PPM1G: variants seen among roughly 807,000 people sequenced by gnomAD.
The protein encoded by PPM1G is protein phosphatase, Mg2+/Mn2+ dependent 1G, also known as protein phosphatase 1G.
In PPM1G, 12 loss-of-function variants were observed where a neutral mutation model predicts 59.4. The observed-to-expected ratio is 0.20, with a 90% confidence interval of 0.13 to 0.33. The LOEUF (loss-of-function observed/expected upper bound fraction) is 0.33, where lower values mean the gene tolerates loss of function less well. PPM1G is among the 10% of genes least tolerant of loss of function. PPM1G has a pLI of 1.00. For missense variants in PPM1G, 392 were observed against 681.3 expected (o/e 0.58, Z 4.73); for synonymous variants, 245 against 251.9 (o/e 0.97, Z 0.26).
At chr2:27,393,501 G>T (rs1558319286) in intron 1 of PPM1G, 2 of 714,034 alleles carry the variant, frequency 2.8e-6, no homozygotes, top group Non-Finnish European at 5.0e-6. Flanking sequence ...GCCGGCCGGG[G>T]TGCAGGACGA....
chr2:27,392,286 G>GTTTTTTTTTTTTTTTTT lies in PPM1G; in HGVS notation c.121-5145_121-5129dup, dbSNP rs70953857. 2.3e-4 allele frequency among the ~76,000 whole-genome samples: 16 copies of GTTTTTTTTTTTTTTTTT among 70,404 alleles called. 2 individuals carry two copies. The highest frequency in any genetic ancestry group is 9.2e-4 in the African/African-American group (15 of 16,248). 46.2% of individuals were successfully genotyped at this position (70,404 alleles called of 152,430 possible). On this transcript the variant is annotated intron_variant, in intron 1 of 9. Transcript: ENST00000344034. ...TTACTTTGTTTTGTTGGTTTGTTTTGTTTTTTTTTTTTTTTTTTTTTTTTG... is the reference window on the plus strand; with the variant it reads ...TTACTTTGTTTTGTTGGTTTGTTTTGTTTTTTTTTTTTTTTTTTTTTTTTTTTTTTTTTTTTTTTTTG...
chr2:27,394,886 C>T (rs1684008180), intron 1 of PPM1G, among the ~76,000 whole-genome samples: 2 of 152,086 alleles, frequency 1.3e-5, no homozygotes, highest in South Asian at 4.2e-4. Flanking sequence ...CCACAACCAC[C>T]CACCTCACTA....
intron 1 of PPM1G, among the ~76,000 whole-genome samples, chr2:27,394,950 C>A (rs1684009675): frequency 6.6e-6 from 1 of 151,802 alleles, no homozygotes; most frequent in African/African-American, 2.4e-5. Flanking sequence ...AAAAATAAAA[C>A]CAGGCACAGT....
Position 27,381,410 on chromosome 2 carries a change from G to A in PPM1G, c.*189C>T, listed in dbSNP as rs907564160. 2 of 628,486 alleles carry A rather than the reference G, an allele frequency of 3.2e-6. 1 individual carries two copies. Among genetic ancestry groups the A allele is most frequent in the Non-Finnish European group, 5.6e-6 (2 of 357,684 alleles). 38.9% of individuals were successfully genotyped at this position (628,486 alleles called of 1,614,324 possible). ...TGAGCCCGAGGAGCAGAGGCGGCTG[G>A]GAAGGACAGCAGAGGCTCCCGGCTG... On this transcript the variant is annotated 3_prime_UTR_variant, in exon 10 of 10. Transcript: ENST00000344034.
At chr2:27,389,531 TTC>T (rs781760637) in intron 1 of PPM1G, among the ~76,000 whole-genome samples, 2 of 152,210 alleles carry the variant, frequency 1.3e-5, no homozygotes, top group Non-Finnish European at 2.9e-5. Context: ...ACACCTTTGC[TTC>T]TCTCTATCCC....
In PPM1G at chr2:27,383,242, CA is replaced by C. The variant is rs1683685793; in HGVS notation, c.1201+123del. On this transcript the variant is annotated intron_variant, in intron 7 of 9. Transcript: ENST00000344034. The surrounding 1 kb of genome is among the most constrained non-coding windows in gnomAD (Gnocchi z 5.0). ...TAGTTATTTCACAGAAATATAAGAA[CA>C]GAGGTAGTAGATATTAAAGTGCTTT... The C allele has an allele frequency of 1.3e-6, 1 of 759,898 alleles. No individual in the cohort carries two copies. Among genetic ancestry groups the C allele is most frequent in the African/African-American group, 1.7e-5 (1 of 57,272 alleles). The allele number at this position is 759,898 out of a possible 1,614,324, so 47.1% of individuals were successfully genotyped here.
Position 27,384,171 on chromosome 2 carries a change from G to A in PPM1G, c.826-79C>T, listed in dbSNP as rs1291028450. ...CACAGCTCATACTCAGAATCAAGAGGTCCTGACTGAACACAGGTCCTCAAA... is the reference window on the plus strand; with the variant it reads ...CACAGCTCATACTCAGAATCAAGAGATCCTGACTGAACACAGGTCCTCAAA... On this transcript the variant is annotated intron_variant, in intron 5 of 9. Coordinates refer to ENST00000344034, the MANE Select transcript of PPM1G (RefSeq NM_177983.3). The surrounding 1 kb of genome is among the most constrained non-coding windows in gnomAD (Gnocchi z 4.8). The A allele has an allele frequency of 7.5e-6, 12 of 1,594,442 alleles. No homozygotes were observed. The highest frequency in any genetic ancestry group is 1.0e-5 in the Non-Finnish European group (12 of 1,171,352).
chr2:27,409,268 C>A, intron 1 of PPM1G, 35 bp downstream of exon 1: 2 of 1,544,574 alleles, frequency 1.3e-6, no homozygotes, highest in Non-Finnish European at 8.7e-7. Context: ...ATTCCCGCCC[C>A]GCAGCGGCCA....
At chr2:27,403,172 A>C (rs1684225086) in intron 1 of PPM1G, among the ~76,000 whole-genome samples, 1 of 152,160 alleles carries the variant, frequency 6.6e-6, no homozygotes, top group African/African-American at 2.4e-5. Context: ...GGCCGGGCAC[A>C]GTGGCTCATG....
At chr2:27,397,168 C>A (rs1020249316) in intron 1 of PPM1G, among the ~76,000 whole-genome samples, 1 of 151,856 alleles carries the variant, frequency 6.6e-6, no homozygotes, top group Non-Finnish European at 1.5e-5. Context: ...CATGCCCAGC[C>A]ACAATGAAAA....
intron 1 of PPM1G, among the ~76,000 whole-genome samples, chr2:27,397,714 A>T (rs933800037): frequency 6.2e-4 from 94 of 152,104 alleles, no homozygotes; most frequent in Non-Finnish European, 7.4e-5. Flanking sequence ...AAAAAATTTT[A>T]AAAAATTAGC....
In PPM1G at chr2:27,382,788, A is replaced by G. The variant is rs1011512596; in HGVS notation, c.1202-183T>C. Among the ~76,000 whole-genome samples, 4 of 151,928 alleles carry G rather than the reference A, an allele frequency of 2.6e-5. No individual in the cohort carries two copies. The highest frequency in any genetic ancestry group is 1.5e-5 in the Non-Finnish European group (1 of 67,974). On this transcript the variant is annotated intron_variant, in intron 7 of 9. Coordinates refer to ENST00000344034, the MANE Select transcript of PPM1G (RefSeq NM_177983.3). The surrounding 1 kb of genome is among the most constrained non-coding windows in gnomAD (Gnocchi z 4.2). ...CCCTGCCACCAGACTGCTGAACCTT[A>G]AGAAAGTCACTCACTGGTCTTTTTA...
At chr2:27,408,034 C>T (rs1457192970) in intron 1 of PPM1G, among the ~76,000 whole-genome samples, 1 of 147,862 alleles carries the variant, frequency 6.8e-6, no homozygotes, top group Non-Finnish European at 1.5e-5. Context: ...GCAACAAGAG[C>T]GAAATTCTGT....
At chr2:27,400,544 AG>A (rs1684158603) in intron 1 of PPM1G, among the ~76,000 whole-genome samples, 1 of 152,194 alleles carries the variant, frequency 6.6e-6, no homozygotes, top group Non-Finnish European at 1.5e-5. Flanking sequence ...CCTTGAGGCC[AG>A]GGGTTCAAGG....
intron 1 of PPM1G, among the ~76,000 whole-genome samples, chr2:27,390,559 C>T (rs1185506076): frequency 6.6e-6 from 1 of 152,096 alleles, no homozygotes; most frequent in Non-Finnish European, 1.5e-5. Context: ...ATCTCAACAA[C>T]AACAACAACA....
At chr2:27,393,498 G>A (rs908973814) in intron 1 of PPM1G, 16 of 717,866 alleles carry the variant, frequency 2.2e-5, no homozygotes, top group East Asian at 8.0e-5. Context: ...GCGGCCGGCC[G>A]GGGTGCAGGA....
intron 1 of PPM1G, chr2:27,393,386 G>A: frequency 6.9e-7 from 1 of 1,454,784 alleles, no homozygotes; most frequent in Non-Finnish European, 9.5e-7. Flanking sequence ...CTAAGGAGAG[G>A]CGGCGGCAGC....
At chr2:27,387,196 C>CG in intron 1 of PPM1G, 38 bp from the exon 2 acceptor site, 15 of 1,542,400 alleles carry the variant, frequency 9.7e-6, no homozygotes, top group Non-Finnish European at 1.3e-5. Context: ...GTCTCAAGGT[C>CG]GAAGAATATT....
chr2:27,397,054 A>G (rs1189311178), intron 1 of PPM1G, among the ~76,000 whole-genome samples: 1 of 151,948 alleles, frequency 6.6e-6, no homozygotes, highest in African/African-American at 2.4e-5. Flanking sequence ...TTTTTAGTAG[A>G]GATGGGGTTT....
Sources: allele counts gnomAD v4.1 joint callset (sites outside exome capture counted in the v4.1 genomes callset), GRCh38; gene constraint gnomAD v4.1.1; non-coding constraint Gnocchi (gnomAD v3.1); transcripts MANE v1.5; gene names NCBI Gene and HGNC (gene_info 2026-07-23, HGNC 2026-07-21).